HMGXB4: variants seen among roughly 807,000 people sequenced by gnomAD.
HMGXB4 encodes HMG domain-containing protein 4.
HMGXB4 carries 27 observed loss-of-function variants against 63.9 expected under a neutral mutation model. The observed-to-expected ratio is 0.42, with a 90% CI of 0.31 to 0.58. The LOEUF (loss-of-function observed/expected upper bound fraction) is 0.58. Ranked by LOEUF, HMGXB4 falls within the 20% of genes least tolerant of loss-of-function variation. The pLI is 0.13. For synonymous variants in HMGXB4, 264 were observed against 265.3 expected, an observed-to-expected ratio of 0.99 and a Z score of 0.05; for missense variants, 624 against 700.7, an observed-to-expected ratio of 0.89 and a Z score of 1.24.
rs1601624157 is a variant in HMGXB4 at position 35,262,317 on chromosome 22, T to C, written c.-68-6T>C. 2 of 1,486,000 alleles carry C rather than the reference T, an allele frequency of 1.3e-6. No homozygotes were observed. Among genetic ancestry groups the C allele is most frequent in the East Asian group, 4.5e-5 (2 of 44,266 alleles). 92.1% of individuals were successfully genotyped at this position (1,486,000 alleles called of 1,614,324 possible). ...TACAGGAGGGTTTTCCTTCTTTGTT[T>C]CTCAGACCTGGTCCTGTAGACGGGA... On this transcript the variant is annotated splice_polypyrimidine_tract_variant and splice_region_variant and intron_variant, in intron 1 of 10. Coordinates refer to ENST00000216106, the MANE Select transcript of HMGXB4 (RefSeq NM_001003681.3).
intron 9 of HMGXB4, among the ~76,000 whole-genome samples, chr22:35,291,032 G>A (rs1924902386): frequency 6.6e-6 from 1 of 152,216 alleles, no homozygotes; most frequent in African/African-American, 2.4e-5. Context: ...GGGAGCCAAA[G>A]TGGGAGGATC....
At position 35,279,395 on chromosome 22, in the gene HMGXB4, T is replaced by C. The variant is rs184176531; in HGVS notation, c.1216-4567T>C. ...CTCAGATGATCCGCCCACCTCGGCC[T>C]CCCAAAGTGCTGGGATTACAGGCGT... On this transcript the variant is annotated intron_variant, in intron 5 of 10. Transcript: ENST00000216106. 7.9e-3 allele frequency among the ~76,000 whole-genome samples: 1,205 copies of C among 152,192 alleles called. 6 individuals are homozygous for C. Among genetic ancestry groups the C allele is most frequent in the South Asian group, 0.028 (137 of 4,826 alleles).
chr22:35,263,022 G>A, intron 2 of HMGXB4, 56 bp from the exon 3 acceptor site: 1 of 1,528,160 alleles, frequency 6.5e-7, no homozygotes, highest in Non-Finnish European at 9.0e-7. Flanking sequence ...TGACGATTTG[G>A]TCATTACTTA....
intron 5 of HMGXB4, among the ~76,000 whole-genome samples, chr22:35,276,545 C>A (rs948683049): frequency 6.6e-6 from 1 of 152,138 alleles, no homozygotes; most frequent in African/African-American, 2.4e-5. Flanking sequence ...TTAACCCACA[C>A]CCCGCCAAAT....
In HMGXB4 at chr22:35,279,677, C is replaced by CTTT. The variant is rs35564206; in HGVS notation, c.1216-4265_1216-4263dup. On this transcript the variant is annotated intron_variant, in intron 5 of 10. Transcript: ENST00000216106. ...GGGGGTGAGGTCTGTGTCTAGATTC[C>CTTT]TTTTTTTTTTTTTTTTTTTTTTGGC... Among the ~76,000 whole-genome samples, 286 of 55,132 alleles carry CTTT rather than the reference C, an allele frequency of 5.2e-3. 3 individuals are homozygous for CTTT. The highest frequency in any genetic ancestry group is 0.013 in the African/African-American group (241 of 18,334). 36.2% of individuals were successfully genotyped at this position (55,132 alleles called of 152,430 possible).
At chr22:35,248,084 A>G in the HMGXB4 span, among the ~76,000 whole-genome samples, 1 of 152,176 alleles carries the variant, frequency 6.6e-6, no homozygotes, top group African/African-American at 2.4e-5. Context: ...TTGTAACACA[A>G]TGGTATTTGT....
rs1228575844 is a variant in HMGXB4, at chr22:35,289,185, A to G, written c.1638+778A>G. Among the ~76,000 whole-genome samples the G allele has an allele frequency of 2.0e-5, 3 of 151,794 alleles. No individual in the cohort carries two copies. In the East Asian group the frequency reaches 5.8e-4, roughly 29 times the overall value. ...AAGAAAAACGCAGTGGTGGCTGGGCACGGTGGCCCATGTCTGTAATCCCAG... is the reference window on the plus strand; with the variant it reads ...AAGAAAAACGCAGTGGTGGCTGGGCGCGGTGGCCCATGTCTGTAATCCCAG... On this transcript the variant is annotated intron_variant, in intron 9 of 10. Coordinates refer to ENST00000216106, the MANE Select transcript of HMGXB4 (RefSeq NM_001003681.3).
intron 8 of HMGXB4, among the ~76,000 whole-genome samples, chr22:35,287,905 G>A (rs1442415729): frequency 6.6e-6 from 1 of 151,890 alleles, no homozygotes; most frequent in Non-Finnish European, 1.5e-5. Context: ...CCGAGATCGT[G>A]CCATGGCACT....
intron 1 of HMGXB4, among the ~76,000 whole-genome samples, chr22:35,260,357 G>T (rs935446470): frequency 6.6e-6 from 1 of 152,144 alleles, no homozygotes; most frequent in African/African-American, 2.4e-5. Flanking sequence ...CAGTATTTTA[G>T]TGCCATTGAG....
intron 5 of HMGXB4, among the ~76,000 whole-genome samples, chr22:35,267,149 T>TATATATA (rs1555887420): frequency 9.3e-4 from 87 of 93,310 alleles, no homozygotes; most frequent in Admixed American, 2.4e-3. Context: ...TGTGTGTGTA[T>TATATATA]ATATAATATA....
upstream of HMGXB4, among the ~76,000 whole-genome samples, chr22:35,256,595 G>A (rs2146387137): frequency 6.6e-6 from 1 of 152,312 alleles, no homozygotes; most frequent in Middle Eastern, 3.4e-3. Flanking sequence ...CGCCTCCCGG[G>A]TTCAAGCGAT....
At chr22:35,281,964 G>A (rs745890848) in intron 5 of HMGXB4, among the ~76,000 whole-genome samples, 3 of 152,104 alleles carry the variant, frequency 2.0e-5, no homozygotes, top group Admixed American at 2.0e-4. Flanking sequence ...CATCAGCCTC[G>A]GTCTTTGTCC....
At position 35,292,875 on chromosome 22, in the gene HMGXB4, G is replaced by A; in HGVS notation, c.1639-117G>A. ...TCAAAGTAAACTTTCCATTTCTGCTGTAAAGTTTCAAATTATAAGAGTAGA... is the reference window on the plus strand; with the variant it reads ...TCAAAGTAAACTTTCCATTTCTGCTATAAAGTTTCAAATTATAAGAGTAGA... On this transcript the variant is annotated intron_variant, in intron 9 of 10. Coordinates refer to ENST00000216106, the MANE Select transcript of HMGXB4 (RefSeq NM_001003681.3). The A allele has an allele frequency of 4.0e-6, 5 of 1,234,696 alleles. No individual in the cohort carries two copies. In the South Asian group the frequency reaches 7.3e-5, roughly 18 times the overall value. The allele number at this position is 1,234,696 out of a possible 1,614,324, so 76.5% of individuals were successfully genotyped here.
chr22:35,250,637 C>T, the HMGXB4 span, among the ~76,000 whole-genome samples: 3 of 142,444 alleles, frequency 2.1e-5, no homozygotes, highest in African/African-American at 4.9e-5. Context: ...CCATATCAAC[C>T]GGGAGGTCCT....
At chr22:35,266,720 T>C (rs1382809909) in intron 5 of HMGXB4, among the ~76,000 whole-genome samples, 4 of 152,198 alleles carry the variant, frequency 2.6e-5, no homozygotes, top group African/African-American at 9.7e-5. Context: ...TGGTGGCTCA[T>C]GCCTGTAATC....
the HMGXB4 span, among the ~76,000 whole-genome samples, chr22:35,242,776 GC>G: frequency 3.0e-3 from 458 of 151,936 alleles, 5 homozygotes; most frequent in African/African-American, 0.011. Flanking sequence ...TTCCCTCTCG[GC>G]CCGCCTTTAG....
chr22:35,253,249 T>C (rs2146381794), upstream of HMGXB4, among the ~76,000 whole-genome samples: 1 of 152,206 alleles, frequency 6.6e-6, no homozygotes, highest in African/African-American at 2.4e-5. Flanking sequence ...GCCCTGAAGA[T>C]AAAAATCCAT....
intron 2 of HMGXB4, 183 bp from the exon 3 acceptor site, chr22:35,262,895 T>C: frequency 1.6e-6 from 1 of 622,870 alleles, no homozygotes; most frequent in Non-Finnish European, 2.8e-6. Flanking sequence ...GATTCTTGTA[T>C]TTGCAGCTAG....
Position 35,283,217 on chromosome 22 carries a change from A to G in HMGXB4, c.1216-745A>G, listed in dbSNP as rs1015362874. Among the ~76,000 whole-genome samples, 9 of 152,380 alleles carry G rather than the reference A, an allele frequency of 5.9e-5. No homozygotes were observed. The South Asian group carries it at 1.4e-3, about 25-fold the overall frequency. ...GATGAGGGAAATTACAAGATTAGAA[A>G]TCAAAACCAGAGAAGCAAAAAGAAC... is the stretch of plus-strand genomic sequence containing the variant. On this transcript the variant is annotated intron_variant, in intron 5 of 10. Coordinates refer to ENST00000216106, the MANE Select transcript of HMGXB4 (RefSeq NM_001003681.3).
Sources: gnomAD v4.1 joint callset for allele counts (sites outside exome capture counted in the v4.1 genomes callset) on GRCh38, gnomAD v4.1.1 for gene constraint, MANE v1.5 for transcripts, NCBI Gene and HGNC (gene_info 2026-07-23, HGNC 2026-07-21) for gene names.